The following CRK variants were observed in gnomAD, a reference collection of about 807,000 sequenced individuals.
CRK encodes adapter molecule crk.
A neutral mutation model predicts 29.8 loss-of-function variants in CRK; 4 were observed. The ratio of observed to expected loss-of-function variants is 0.13; its 90% CI spans 0.07 to 0.31. CRK has a LOEUF of 0.31. CRK is among the 10% of genes least tolerant of loss of function. CRK has a pLI of 1.00. For synonymous variants in CRK, 153 were observed against 164.9 expected (o/e 0.93, Z 0.55); for missense variants, 274 against 396.5 (o/e 0.69, Z 2.62).
chr17:1,426,392 A>T (rs2073779512), intron 2 of CRK: 1 of 151,956 alleles, frequency 6.6e-6, no homozygotes, highest in South Asian at 2.1e-4. Flanking sequence ...TGTCACCAGG[A>T]CTCTCACCAC....
intron 1 of CRK, among the ~76,000 whole-genome samples, chr17:1,440,408 A>G (rs2073925391): frequency 6.6e-6 from 1 of 151,940 alleles, no homozygotes; most frequent in Non-Finnish European, 1.5e-5. Flanking sequence ...GAGTACACTG[A>G]GCCATGATCG....
chr17:1,442,970 ACCTC>A (rs1187895924), intron 1 of CRK, among the ~76,000 whole-genome samples: 1 of 138,084 alleles, frequency 7.2e-6, no homozygotes, highest in Admixed American at 7.8e-5. Flanking sequence ...GCTCACAGCA[ACCTC>A]CCTTTCTTTC....
chr17:1,425,755 T>TA (rs1321576337), intron 2 of CRK, among the ~76,000 whole-genome samples: 1 of 152,206 alleles, frequency 6.6e-6, no homozygotes, highest in African/African-American at 2.4e-5. Flanking sequence ...ACAGCTTGCC[T>TA]ATTGGCCCCT....
Position 1,439,893 on chromosome 17 carries a change from CTGTAA to C in CRK, c.242-2743_242-2739del, listed in dbSNP as rs2073920789. Among the ~76,000 whole-genome samples, 4 of 152,192 alleles carry C rather than the reference CTGTAA, an allele frequency of 2.6e-5. No individual in the cohort carries two copies. In the South Asian group the frequency reaches 8.3e-4, roughly 32 times the overall value. ...TTTTGTTGGGCGTGGTGCCTCACACCTGTAATCCTAGAACTTTAGGAGGCTGAGGT... is the reference window on the plus strand; with the variant it reads ...TTTTGTTGGGCGTGGTGCCTCACACCTCCTAGAACTTTAGGAGGCTGAGGT... On this transcript the variant is annotated intron_variant, in intron 1 of 2. Transcript: ENST00000300574.
intron 1 of CRK, among the ~76,000 whole-genome samples, chr17:1,455,227 G>A (rs2074046614): frequency 6.6e-6 from 1 of 152,186 alleles, no homozygotes; most frequent in Non-Finnish European, 1.5e-5. Flanking sequence ...AAACTGGGTT[G>A]GGCTGGTCAC....
At chr17:1,442,984 C>CCTT (rs2073947010) in intron 1 of CRK, among the ~76,000 whole-genome samples, 1 of 140,112 alleles carries the variant, frequency 7.1e-6, no homozygotes, top group Non-Finnish European at 1.5e-5. Flanking sequence ...CCCTTTCTTT[C>CCTT]TTTTTTTTTT....
rs1298830357 is a variant in CRK at position 1,421,836 on chromosome 17, G to A, written c.*1677C>T. 6.6e-6 allele frequency: 1 copy of A among 152,176 alleles called. No individual in the cohort carries two copies. The highest frequency in any genetic ancestry group is 2.4e-5 in the African/African-American group (1 of 41,434). The allele number at this position is 152,176 out of a possible 1,614,324, so 9.4% of individuals were successfully genotyped here. ...TTATTTTTCCAAAATGAGGTCCAAA[G>A]CAAACTATAAGGTGTTTCTATTGGT... On this transcript the variant is annotated 3_prime_UTR_variant, in exon 3 of 3. Transcript: ENST00000300574.
intron 1 of CRK, among the ~76,000 whole-genome samples, chr17:1,450,474 T>C (rs571234222): frequency 6.6e-6 from 1 of 151,602 alleles, no homozygotes; most frequent in South Asian, 2.1e-4. Flanking sequence ...GCCACTGCCC[T>C]CCGGCCCGGC....
Position 1,456,070 on chromosome 17 carries a change from C to A in CRK, c.48G>T (p.Gly16=), listed in dbSNP as rs1439530749. The change falls in exon 1 of 3, where the codon GGG becomes GGT. Residue 16 remains glycine (G), a synonymous_variant. Coordinates refer to ENST00000300574, the MANE Select transcript of CRK (RefSeq NM_016823.4). ...DSEERSSWYW[G]RLSRQEAVAL... ...CCACCGCCTCCTGCCGACTCAACCT[C>A]CCCCAGTACCAGCTACTCCGCTCCT... 1.3e-6 allele frequency: 2 copies of A among 1,588,406 alleles called. No homozygotes were observed. The highest frequency in any genetic ancestry group is 1.7e-6 in the Non-Finnish European group (2 of 1,169,514).
intron 2 of CRK, among the ~76,000 whole-genome samples, chr17:1,429,738 A>C (rs775417919): frequency 1.4e-4 from 22 of 152,032 alleles, no homozygotes; most frequent in Non-Finnish European, 2.9e-4. Context: ...AGATCAGTCT[A>C]GGTTACAAAG....
chr17:1,436,502 A>T, intron 2 of CRK, 118 bp downstream of exon 2: 1 of 1,112,788 alleles, frequency 9.0e-7, no homozygotes, highest in Non-Finnish European at 1.2e-6. Context: ...ATCAGTGCTT[A>T]GCGGCTTGCC....
intron 2 of CRK, among the ~76,000 whole-genome samples, chr17:1,433,290 C>A (rs1432606696): frequency 2.0e-5 from 3 of 152,170 alleles, no homozygotes; most frequent in African/African-American, 4.8e-5. Context: ...TACTACCAAC[C>A]AGCAGCACAT....
rs79713933 is a variant in CRK at position 1,446,410 on chromosome 17, C to A, written c.242-9255G>T. Among the ~76,000 whole-genome samples the A allele has an allele frequency of 8.0e-3, 1,221 of 152,206 alleles. 7 individuals carry two copies. Among genetic ancestry groups the A allele is most frequent in the Middle Eastern group, 0.031 (9 of 294 alleles). On this transcript the variant is annotated intron_variant, in intron 1 of 2. Coordinates refer to ENST00000300574, the MANE Select transcript of CRK (RefSeq NM_016823.4). ...AACCACCCCCTGCCAGCCACTGTTA[C>A]CATAGCAGGCCGAGCGAAATACATT...
At chr17:1,455,431 G>A (rs1231270965) in intron 1 of CRK, among the ~76,000 whole-genome samples, 2 of 152,188 alleles carry the variant, frequency 1.3e-5, no homozygotes. Flanking sequence ...AGGGGAGCAC[G>A]GCCAAACCCG....
chr17:1,425,501 C>G (rs1027648072), intron 2 of CRK, among the ~76,000 whole-genome samples: 5 of 152,052 alleles, frequency 3.3e-5, no homozygotes, highest in African/African-American at 1.2e-4. Context: ...CTCATGGGAT[C>G]CTCCAACCTT....
In CRK at chr17:1,423,465, A is replaced by T; in HGVS notation, c.*48T>A. 1 of 1,570,476 alleles carries T rather than the reference A, an allele frequency of 6.4e-7. No individual in the cohort carries two copies. ...AATTGTATAGATGGCAGTTGGAAAA[A>T]AAAAAAAAAGATTGTTCCCATCTGT... On this transcript the variant is annotated 3_prime_UTR_variant, in exon 3 of 3. Coordinates refer to ENST00000300574, the MANE Select transcript of CRK (RefSeq NM_016823.4).
chr17:1,445,193 C>T (rs183055172), intron 1 of CRK, among the ~76,000 whole-genome samples: 102 of 151,800 alleles, frequency 6.7e-4, no homozygotes, highest in African/African-American at 2.3e-3. Flanking sequence ...TAATAAGACA[C>T]AATGTTAACT....
chr17:1,423,408 A>G lies in CRK; in HGVS notation c.*105T>C. 1 of 1,391,186 alleles carries G rather than the reference A, an allele frequency of 7.2e-7. No homozygotes were observed. The highest frequency in any genetic ancestry group is 9.8e-7 in the Non-Finnish European group (1 of 1,023,560). The allele number at this position is 1,391,186 out of a possible 1,614,324, so 86.2% of individuals were successfully genotyped here. A position where few individuals can be genotyped will look rare whatever the true frequency, so the allele number is the denominator to read the frequency against. On this transcript the variant is annotated 3_prime_UTR_variant, in exon 3 of 3. Transcript: ENST00000300574. ...ATATCACAGGTAACAGAATGCTTAT[A>G]TAAACTAGACTGCTTTTGACATCTG...
In CRK at chr17:1,428,205, G is replaced by A. The variant is rs183412069; in HGVS notation, c.778-4555C>T. Among the ~76,000 whole-genome samples, 599 of 148,422 alleles carry A rather than the reference G, an allele frequency of 4.0e-3. 4 individuals carry two copies. The highest frequency in any genetic ancestry group is 6.5e-3 in the Non-Finnish European group (437 of 67,462). On this transcript the variant is annotated intron_variant, in intron 2 of 2. Transcript: ENST00000300574. ...ACGATGCTGGCTCACTGCAACCTCCGCCTCCAGGATTCAAATGATTCTCCT... is the reference window on the plus strand; with the variant it reads ...ACGATGCTGGCTCACTGCAACCTCCACCTCCAGGATTCAAATGATTCTCCT...
Sources: allele counts gnomAD v4.1 joint callset (sites outside exome capture counted in the v4.1 genomes callset), GRCh38; gene constraint gnomAD v4.1.1; transcripts MANE v1.5; gene names NCBI Gene and HGNC (gene_info 2026-07-23, HGNC 2026-07-21).